NPAS3: variants seen among roughly 807,000 people sequenced by gnomAD.
NPAS3 encodes the protein neuronal PAS domain protein 3, also known as neuronal PAS domain-containing protein 3.
In NPAS3, 14 loss-of-function variants were observed where a neutral mutation model predicts 73.1. The observed-to-expected ratio is 0.19, with a 90% CI of 0.13 to 0.30. NPAS3 has a LOEUF of 0.30. Among genes scored for constraint, NPAS3 ranks in the 10% least tolerant of loss-of-function variants. The pLI, the probability that NPAS3 is intolerant of heterozygous loss-of-function variation, is 1.00. For synonymous variants in NPAS3, 620 were observed against 541.5 expected, an observed-to-expected ratio of 1.14 and a Z score of -2.01; for missense variants, 1,096 against 1,250.0, an observed-to-expected ratio of 0.88 and a Z score of 1.86.
At chr14:33,760,613 T>C (rs140329599) in intron 7 of NPAS3, among the ~76,000 whole-genome samples, 95 of 152,092 alleles carry the variant, frequency 6.2e-4, no homozygotes, top group African/African-American at 2.2e-3. Flanking sequence ...TAAAGTGTTA[T>C]GGAAAAGCAC....
intron 5 of NPAS3, among the ~76,000 whole-genome samples, chr14:33,566,396 G>A (rs181059719): frequency 6.6e-6 from 1 of 152,130 alleles, no homozygotes; most frequent in East Asian, 1.9e-4. Flanking sequence ...ATCCTTGGGG[G>A]AAAAAGTTCC....
chr14:32,952,298 A>G (rs1241021237), intron 1 of NPAS3, among the ~76,000 whole-genome samples: 1 of 152,160 alleles, frequency 6.6e-6, no homozygotes, highest in African/African-American at 2.4e-5. Flanking sequence ...TATAATGTGT[A>G]CTAGACTTCC....
rs749546873 is a variant in NPAS3 at position 33,494,885 on chromosome 14, G to A, written c.469-65236G>A. On this transcript the variant is annotated intron_variant, in intron 4 of 11. Coordinates refer to ENST00000356141, the Ensembl canonical transcript of NPAS3. Reference sequence around the variant, plus strand: ...AAACAGAAGGGAGTTTAAGGAAGGCGCCTAATAATTTGTTGCACAGCAATC... The same window carrying A: ...AAACAGAAGGGAGTTTAAGGAAGGCACCTAATAATTTGTTGCACAGCAATC... 8.6e-5 allele frequency among the ~76,000 whole-genome samples: 13 copies of A among 152,018 alleles called. 1 individual carries two copies. The highest frequency in any genetic ancestry group is 4.1e-4 in the South Asian group (2 of 4,830).
intron 1 of NPAS3, among the ~76,000 whole-genome samples, chr14:32,978,620 C>G (rs1317537598): frequency 6.6e-6 from 1 of 152,034 alleles, no homozygotes; most frequent in Admixed American, 6.5e-5. Flanking sequence ...GTGGGGCTCA[C>G]TAGGTGTCTA....
intron 3 of NPAS3, among the ~76,000 whole-genome samples, chr14:33,259,749 T>C (rs2048902829): frequency 6.6e-6 from 1 of 152,176 alleles, no homozygotes; most frequent in South Asian, 2.1e-4. Flanking sequence ...GCATGGTGCT[T>C]GTGACAGATG....
chr14:33,384,913 C>T (rs947437336), intron 4 of NPAS3, among the ~76,000 whole-genome samples: 2 of 152,048 alleles, frequency 1.3e-5, no homozygotes, highest in African/African-American at 4.8e-5. Context: ...CAGGGAAGCC[C>T]GGGCCACACG....
At chr14:33,109,502 T>C (rs1319017567) in intron 2 of NPAS3, among the ~76,000 whole-genome samples, 1 of 152,202 alleles carries the variant, frequency 6.6e-6, no homozygotes. Context: ...TATCCAAGTA[T>C]TAGCATGCTG....
intron 4 of NPAS3, among the ~76,000 whole-genome samples, chr14:33,496,981 A>C (rs553174046): frequency 6.6e-6 from 1 of 152,332 alleles, no homozygotes; most frequent in Non-Finnish European, 1.5e-5. Context: ...CCCTAAACTG[A>C]TAAGCAACTT....
chr14:33,255,086 A>C (rs559784705), intron 3 of NPAS3, among the ~76,000 whole-genome samples: 52 of 152,268 alleles, frequency 3.4e-4, no homozygotes, highest in African/African-American at 1.2e-3. Context: ...TATGAATAGG[A>C]AGTATGCTTT....
chr14:33,161,456 C>T (rs1198477191), intron 2 of NPAS3, among the ~76,000 whole-genome samples: 2 of 152,120 alleles, frequency 1.3e-5, no homozygotes, highest in Admixed American at 6.5e-5. Context: ...ATCCCAAGGC[C>T]CAAGTTCTTG....
At chr14:33,561,651 A>G (rs2055656167) in intron 5 of NPAS3, among the ~76,000 whole-genome samples, 1 of 152,214 alleles carries the variant, frequency 6.6e-6, no homozygotes, top group Non-Finnish European at 1.5e-5. Context: ...GAAATCGGTG[A>G]GCCACCATGT....
chr14:33,164,060 T>C (rs2045026955), intron 2 of NPAS3, among the ~76,000 whole-genome samples: 1 of 152,238 alleles, frequency 6.6e-6, no homozygotes, highest in South Asian at 2.1e-4. Context: ...CTGTTGGTTT[T>C]TGCACGGCCA....
chr14:33,218,093 G>A (rs2047291449), intron 3 of NPAS3, among the ~76,000 whole-genome samples: 1 of 152,134 alleles, frequency 6.6e-6, no homozygotes, highest in Non-Finnish European at 1.5e-5. Context: ...CCACGTTGTT[G>A]CAGTTTCTGG....
At chr14:33,233,528 C>T (rs1291156176) in intron 3 of NPAS3, among the ~76,000 whole-genome samples, 1 of 151,864 alleles carries the variant, frequency 6.6e-6, no homozygotes, top group Non-Finnish European at 1.5e-5. Context: ...TTTATACTGA[C>T]AAAAAGGATA....
intron 5 of NPAS3, among the ~76,000 whole-genome samples, chr14:33,575,747 AAGAT>A (rs754426586): frequency 2.6e-5 from 4 of 152,218 alleles, no homozygotes; most frequent in Non-Finnish European, 5.9e-5. Flanking sequence ...AAATGATTAT[AAGAT>A]AGAAAACTGT....
chr14:33,298,284 A>G (rs2042388337), intron 3 of NPAS3, among the ~76,000 whole-genome samples: 3 of 152,172 alleles, frequency 2.0e-5, no homozygotes, highest in African/African-American at 7.2e-5. Context: ...CTCCATCTCA[A>G]AAACAAACAG....
At chr14:33,032,720 G>C (rs1048181981) in intron 1 of NPAS3, among the ~76,000 whole-genome samples, 19 of 152,210 alleles carry the variant, frequency 1.2e-4, no homozygotes, top group African/African-American at 4.3e-4. Context: ...AGCACTGACT[G>C]CATATTCTTA....
intron 2 of NPAS3, among the ~76,000 whole-genome samples, chr14:33,206,278 A>T (rs1032584898): frequency 7.2e-5 from 11 of 152,100 alleles, no homozygotes; most frequent in Admixed American, 6.5e-4. Context: ...TCCAACCATC[A>T]TTGGCCTTAG....
intron 1 of NPAS3, among the ~76,000 whole-genome samples, chr14:32,962,569 C>CTTTTTTT (rs71432096): frequency 5.2e-4 from 57 of 110,642 alleles, no homozygotes; most frequent in African/African-American, 8.5e-4. Flanking sequence ...TTTTTCTTTT[C>CTTTTTTT]TTTTTTTTTT....
Sources: gnomAD v4.1 joint callset for allele counts (sites outside exome capture counted in the v4.1 genomes callset) on GRCh38, gnomAD v4.1.1 for gene constraint, MANE v1.5 for transcripts, NCBI Gene and HGNC (gene_info 2026-07-23, HGNC 2026-07-21) for gene names.